Variants in SMC4 observed in about 807,000 individuals in gnomAD.
SMC4 encodes the protein structural maintenance of chromosomes protein 4.
SMC4 carries 87 observed loss-of-function variants against 145.6 expected under a neutral mutation model. The ratio of observed to expected loss-of-function variants is 0.60; its 90% CI spans 0.50 to 0.71. The LOEUF (loss-of-function observed/expected upper bound fraction) is 0.71. SMC4 is among the 30% of genes least tolerant of loss of function. SMC4 has a pLI of 0.00. For missense variants in SMC4, 1,447 were observed against 1,537.1 expected, an observed-to-expected ratio of 0.94 and a Z score of 0.98; for synonymous variants, 558 against 500.7, an observed-to-expected ratio of 1.11 and a Z score of -1.53.
chr3:160,432,710 GTCTAGT>G (rs1305037074), intron 22 of SMC4, 195 bp downstream of exon 22: 1 of 535,236 alleles, frequency 1.9e-6, no homozygotes, highest in Non-Finnish European at 3.3e-6. Flanking sequence ...CAAAATATTT[GTCTAGT>G]TCATCTTTTC....
chr3:160,420,811 T>A lies in SMC4; in HGVS notation c.1929T>A (p.Ile643=). ...CCTGTTGTCATGCACTGGACTACATTGTTGTTGATTCTATTGATATAGCCC... is the reference window on the plus strand; with the variant it reads ...CCTGTTGTCATGCACTGGACTACATAGTTGTTGATTCTATTGATATAGCCC... ...ISSCCHALDY[I]VVDSIDIAQE... is the part of the protein sequence containing the mutation. The change falls in exon 13 of 24, where the codon ATT becomes ATA. Residue 643 remains isoleucine, a synonymous_variant. Coordinates refer to ENST00000357388, the MANE Select transcript of SMC4 (RefSeq NM_001002800.3). 11 of 1,614,056 alleles carry A rather than the reference T, an allele frequency of 6.8e-6. 1 individual carries two copies. The East Asian group carries it at 2.5e-4, about 36-fold the overall frequency.
At position 160,400,974 on chromosome 3, in the gene SMC4, C is replaced by A. The variant is rs1714549365; in HGVS notation, c.139+9C>A. On this transcript the variant is annotated intron_variant, in intron 2 of 23. Transcript: ENST00000357388. Reference sequence around the variant, plus strand: ...CCCAGCCACCGCCGCAGGTGAGTGACCCGCCGCGACTCGGCGGGAACGCGC... The same window carrying A: ...CCCAGCCACCGCCGCAGGTGAGTGAACCGCCGCGACTCGGCGGGAACGCGC... 7.2e-7 allele frequency: 1 copy of A among 1,388,812 alleles called. No homozygotes were observed. Among genetic ancestry groups the A allele is most frequent in the African/African-American group, 1.5e-5 (1 of 65,446 alleles). 86.0% of individuals were successfully genotyped at this position (1,388,812 alleles called of 1,614,324 possible).
intron 9 of SMC4, among the ~76,000 whole-genome samples, chr3:160,415,698 G>C (rs1039368685): frequency 3.3e-5 from 5 of 152,230 alleles, no homozygotes. Context: ...TAACCCCAAA[G>C]ACTTGACAGA....
intron 16 of SMC4, among the ~76,000 whole-genome samples, chr3:160,425,468 T>C (rs544242361): frequency 3.3e-5 from 5 of 152,322 alleles, no homozygotes; most frequent in South Asian, 2.1e-4. Context: ...GTGGTAGATA[T>C]GTGTAGATAT....
chr3:160,410,138 C>G (rs1715824102), intron 5 of SMC4, among the ~76,000 whole-genome samples: 1 of 152,160 alleles, frequency 6.6e-6, no homozygotes, highest in Admixed American at 6.5e-5. Context: ...TCTCAGCTGA[C>G]AGTAATTCTG....
chr3:160,413,774 TC>T (rs1486845954), intron 8 of SMC4, 161 bp downstream of exon 8: 5 of 459,732 alleles, frequency 1.1e-5, no homozygotes, highest in Non-Finnish European at 1.9e-5. Context: ...TGCATCCAGT[TC>T]CTTGTTACAG....
intron 9 of SMC4, 99 bp downstream of exon 9, chr3:160,414,616 T>C (rs1415640974): frequency 8.8e-7 from 1 of 1,135,104 alleles, no homozygotes. Flanking sequence ...AATGAATTAG[T>C]ATTCTAAATG....
intron 19 of SMC4, 89 bp from the exon 20 acceptor site, chr3:160,430,943 G>A: frequency 2.2e-6 from 3 of 1,339,308 alleles, no homozygotes; most frequent in Non-Finnish European, 3.1e-6. Flanking sequence ...AGGGGCATGA[G>A]GAGAGATTGG....
rs1270308364 is a variant in SMC4, at chr3:160,423,561, A to C, written c.2156A>C (p.Asp719Ala). ...YFALRDTLVA[D>A]NLDQATRVAY... ...GCTTTACGAGATACCTTAGTAGCTG[A>C]CAACTTGGATCAAGCCACAAGAGTA... Residue 719 changes from aspartate to alanine, a missense_variant, in exon 14 of 24, where the codon GAC becomes GCC. Transcript: ENST00000357388. The C allele has an allele frequency of 1.2e-6, 2 of 1,613,884 alleles. No homozygotes were observed. Among genetic ancestry groups the C allele is most frequent in the Non-Finnish European group, 1.7e-6 (2 of 1,179,944 alleles).
intron 10 of SMC4, among the ~76,000 whole-genome samples, chr3:160,416,885 T>A (rs1416063826): frequency 1.3e-5 from 2 of 152,110 alleles, no homozygotes; most frequent in Non-Finnish European, 2.9e-5. Context: ...TATCTCCAAG[T>A]CATCTTCCTT....
chr3:160,400,661 A>C, intron 1 of SMC4, 161 bp from the exon 2 acceptor site: 1 of 852,654 alleles, frequency 1.2e-6, no homozygotes, highest in Non-Finnish European at 1.7e-6. Context: ...CCTTCTTGCC[A>C]CTCGTGTCTT....
chr3:160,423,349 G>GTTTTTT, intron 13 of SMC4, 76 bp from the exon 14 acceptor site: 1 of 811,930 alleles, frequency 1.2e-6, no homozygotes, highest in Non-Finnish European at 1.8e-6. Context: ...ATTCCTATGG[G>GTTTTTT]TTTTTTTTTG....
In SMC4 at chr3:160,423,549, C is replaced by G. The variant is rs762005555; in HGVS notation, c.2144C>G (p.Thr715Ser). ...RQAFYFALRD[T>S]LVADNLDQAT... is the part of the protein sequence containing the mutation. ...GCTTTTTATTTTGCTTTACGAGATA[C>G]CTTAGTAGCTGACAACTTGGATCAA... Residue 715 changes from threonine (T) to serine (S), a missense_variant, in exon 14 of 24, where the codon ACC (threonine) becomes AGC (serine). Thr to Ser is a moderately conservative substitution (Grantham distance 58). Coordinates refer to ENST00000357388, the MANE Select transcript of SMC4 (RefSeq NM_001002800.3). 6.2e-7 allele frequency: 1 copy of G among 1,613,650 alleles called. No individual in the cohort carries two copies. The highest frequency in any genetic ancestry group is 8.5e-7 in the Non-Finnish European group (1 of 1,179,830).
chr3:160,415,163 G>A (rs538839775), intron 9 of SMC4, among the ~76,000 whole-genome samples: 36 of 152,296 alleles, frequency 2.4e-4, no homozygotes, highest in African/African-American at 7.9e-4. Context: ...CTTGATGCCA[G>A]GAGTTTAAGA....
intron 5 of SMC4, among the ~76,000 whole-genome samples, chr3:160,408,936 C>T (rs1008336450): frequency 2.6e-5 from 4 of 151,900 alleles, no homozygotes; most frequent in Non-Finnish European, 2.9e-5. Context: ...CCTGTTGATT[C>T]AATAATGCTA....
chr3:160,402,151 C>T, intron 3 of SMC4, 58 bp downstream of exon 3: 3 of 1,130,360 alleles, frequency 2.7e-6, no homozygotes, highest in Non-Finnish European at 2.4e-6. Flanking sequence ...TAAGGTAATA[C>T]GTTTTTACAA....
chr3:160,427,608 T>A (rs1483853489), intron 17 of SMC4, among the ~76,000 whole-genome samples: 2 of 152,254 alleles, frequency 1.3e-5, no homozygotes. Context: ...TGTTAGGAGC[T>A]CTATATATCT....
intron 5 of SMC4, chr3:160,404,932 T>A: frequency 5.9e-6 from 2 of 339,562 alleles, no homozygotes; most frequent in Non-Finnish European, 5.9e-6. Flanking sequence ...TTTTTGTTCT[T>A]ATTATCTCTT....
In SMC4 at chr3:160,412,336, T is replaced by TGGAAACAGGAA. The variant is rs774563648; in HGVS notation, c.863_864insGGAAACAGGAA (p.Lys289GlufsTer14). On this transcript the variant is annotated frameshift_variant, in exon 7 of 24. Coordinates refer to ENST00000357388, the MANE Select transcript of SMC4 (RefSeq NM_001002800.3). LOFTEE classifies it high-confidence loss of function. ...TTTTAATTTCTGTAGTTAAACAGGGTAAAGATGGTGGAAAAGGAAAAGGAT... is the reference window on the plus strand; with the variant it reads ...TTTTAATTTCTGTAGTTAAACAGGGTGGAAACAGGAAAAAGATGGTGGAAAAGGAAAAGGAT... 1.9e-6 allele frequency: 3 copies of TGGAAACAGGAA among 1,596,128 alleles called. No homozygotes were observed. The highest frequency in any genetic ancestry group is 2.6e-6 in the Non-Finnish European group (3 of 1,164,300).
Sources: gnomAD v4.1 joint callset for allele counts (sites outside exome capture counted in the v4.1 genomes callset) on GRCh38, gnomAD v4.1.1 for gene constraint, MANE v1.5 for transcripts, NCBI Gene and HGNC (gene_info 2026-07-23, HGNC 2026-07-21) for gene names.